MYO1B: variants seen among roughly 807,000 people sequenced by gnomAD.
The protein encoded by MYO1B is myosin IB.
In MYO1B, 72 loss-of-function variants were observed where a neutral mutation model predicts 159.7. The ratio of observed to expected loss-of-function variants is 0.45; its 90% CI spans 0.37 to 0.55. MYO1B has a LOEUF of 0.55. Among genes scored for constraint, MYO1B ranks in the 20% least tolerant of loss-of-function variants. MYO1B has a pLI of 0.00. For missense variants in MYO1B, 1,062 were observed against 1,364.8 expected, an observed-to-expected ratio of 0.78 and a Z score of 3.50; for synonymous variants, 468 against 473.8, an observed-to-expected ratio of 0.99 and a Z score of 0.16.
chr2:191,253,731 C>A lies in MYO1B; in HGVS notation c.-10+8105C>A, dbSNP rs184126534. Among the ~76,000 whole-genome samples the A allele has an allele frequency of 3.5e-3, 535 of 152,294 alleles. 3 individuals carry two copies. Among genetic ancestry groups the A allele is most frequent in the African/African-American group, 0.012 (511 of 41,556 alleles). On this transcript the variant is annotated intron_variant, in intron 1 of 30. Transcript: ENST00000392318. ...CATCACATTCTCCTCTGTTTCCCCC[C>A]ACAGGTTAGCTTGCACATATGTTCA...
At chr2:191,373,278 C>T (rs951157379) in intron 13 of MYO1B, among the ~76,000 whole-genome samples, 2 of 152,144 alleles carry the variant, frequency 1.3e-5, no homozygotes, top group African/African-American at 4.8e-5. Context: ...CTAGGCTGTA[C>T]CCAGAGCAAT....
chr2:191,388,983 A>G (rs1233343656), intron 17 of MYO1B, among the ~76,000 whole-genome samples: 1 of 152,034 alleles, frequency 6.6e-6, no homozygotes, highest in African/African-American at 2.4e-5. Context: ...ATAGTTTCAG[A>G]TTTCATATTT....
chr2:191,381,858 G>C (rs1440495438), intron 14 of MYO1B, among the ~76,000 whole-genome samples: 1 of 152,152 alleles, frequency 6.6e-6, no homozygotes, highest in African/African-American at 2.4e-5. Flanking sequence ...AAAACTTAGA[G>C]AACTGTATAC....
intron 30 of MYO1B, 48 bp from the exon 31 acceptor site, chr2:191,423,789 A>G (rs759053939): frequency 2.5e-6 from 4 of 1,574,496 alleles, no homozygotes; most frequent in African/African-American, 2.7e-5. Context: ...TATTGTAATC[A>G]TGAGCTGTTT....
At chr2:191,421,348 T>C (rs562934880) in intron 30 of MYO1B, among the ~76,000 whole-genome samples, 1 of 151,676 alleles carries the variant, frequency 6.6e-6, no homozygotes, top group East Asian at 2.0e-4. Context: ...GGGATTACTG[T>C]CATGATCCAC....
chr2:191,415,274 C>T (rs1006983610), intron 29 of MYO1B, among the ~76,000 whole-genome samples: 1 of 152,136 alleles, frequency 6.6e-6, no homozygotes, highest in African/African-American at 2.4e-5. Context: ...AGGAACAGGG[C>T]CTGTCACATA....
intron 3 of MYO1B, among the ~76,000 whole-genome samples, chr2:191,313,277 C>T (rs1690134592): frequency 7.2e-6 from 1 of 138,172 alleles, no homozygotes. Context: ...GTGGTGCGAC[C>T]TCAGCTCACT....
intron 1 of MYO1B, among the ~76,000 whole-genome samples, chr2:191,251,708 T>G (rs1209257713): frequency 6.6e-6 from 1 of 152,252 alleles, no homozygotes; most frequent in African/African-American, 2.4e-5. Context: ...CTTTAAAGAC[T>G]TTTTAGAAAA....
intron 7 of MYO1B, among the ~76,000 whole-genome samples, chr2:191,350,783 G>A (rs1692863216): frequency 6.7e-6 from 1 of 150,248 alleles, no homozygotes; most frequent in African/African-American, 2.4e-5. Flanking sequence ...GACTGTGGAA[G>A]TGAAATATTT....
chr2:191,365,007 A>G (rs992218371), intron 11 of MYO1B, among the ~76,000 whole-genome samples: 1 of 151,858 alleles, frequency 6.6e-6, no homozygotes, highest in Non-Finnish European at 1.5e-5. Flanking sequence ...TCTACCCTTG[A>G]TATTGGGGCC....
At chr2:191,259,591 T>A (rs1686672381) in intron 1 of MYO1B, among the ~76,000 whole-genome samples, 1 of 152,244 alleles carries the variant, frequency 6.6e-6, no homozygotes, top group Non-Finnish European at 1.5e-5. Context: ...CTTCTGCCAC[T>A]TTGCTGTTGT....
intron 7 of MYO1B, among the ~76,000 whole-genome samples, chr2:191,359,819 A>G (rs1199613593): frequency 6.6e-6 from 1 of 152,210 alleles, no homozygotes; most frequent in Non-Finnish European, 1.5e-5. Context: ...GCCTTTGCCC[A>G]CAGCCTTTTG....
chr2:191,400,265 T>G, intron 21 of MYO1B, 117 bp from the exon 22 acceptor site: 1 of 1,119,400 alleles, frequency 8.9e-7, no homozygotes, highest in South Asian at 1.3e-5. Context: ...TTTAACCTGT[T>G]GATTTATCAC....
intron 1 of MYO1B, among the ~76,000 whole-genome samples, chr2:191,260,750 T>C (rs1686762428): frequency 6.7e-6 from 1 of 149,452 alleles, no homozygotes; most frequent in East Asian, 1.9e-4. Context: ...TTTCTGTGTT[T>C]ATTCTTTCTA....
rs1174751332 is a variant in MYO1B, at chr2:191,363,867, A to G, written c.905A>G (p.Asp302Gly). 6.2e-7 allele frequency: 1 copy of G among 1,613,778 alleles called. No homozygotes were observed. Among genetic ancestry groups the G allele is most frequent in the Admixed American group, 1.7e-5 (1 of 59,952 alleles). Residue 302 changes from aspartate (D) to glycine (G), a missense_variant, in exon 10 of 31, where the codon GAT becomes GGT. Asp to Gly is a moderately conservative substitution (Grantham distance 94, BLOSUM62 -1). Around this residue, in one of 5 missense-constraint regions of MYO1B, gnomAD observed 415 missense variants for 544.0 expected, o/e 0.76. Coordinates refer to ENST00000392318, the MANE Select transcript of MYO1B (RefSeq NM_001130158.3). Reference sequence around the variant, plus strand: ...GGTCTAGATGAAAGCAAAATCAAAGATAAAAATGGTACATCCGTGGAGAAT... The same window carrying G: ...GGTCTAGATGAAAGCAAAATCAAAGGTAAAAATGGTACATCCGTGGAGAAT... ...VNGLDESKIK[D>G]KNELKEICEL... is the part of the protein sequence containing the mutation.
At chr2:191,381,035 C>A in intron 13 of MYO1B, 1 of 282,122 alleles carries the variant, frequency 3.5e-6, no homozygotes, top group Non-Finnish European at 6.9e-6. Flanking sequence ...GGGATCTGTC[C>A]CTGGATGGGG....
intron 24 of MYO1B, among the ~76,000 whole-genome samples, chr2:191,406,180 A>C (rs1219733812): frequency 6.6e-6 from 1 of 152,220 alleles, no homozygotes; most frequent in Non-Finnish European, 1.5e-5. Context: ...CCTTCTTGGA[A>C]CTGAAGAGAG....
chr2:191,335,993 CAT>C (rs1466722995), intron 4 of MYO1B, among the ~76,000 whole-genome samples: 1 of 152,002 alleles, frequency 6.6e-6, no homozygotes, highest in African/African-American at 2.4e-5. Context: ...TATTTTTAGG[CAT>C]TGAACTCACA....
At chr2:191,283,824 A>G (rs1475759190) in intron 2 of MYO1B, among the ~76,000 whole-genome samples, 2 of 152,248 alleles carry the variant, frequency 1.3e-5, no homozygotes, top group African/African-American at 4.8e-5. Flanking sequence ...ATAATTGGGT[A>G]TGATATTGAA....
Sources: gnomAD v4.1 joint callset for allele counts (sites outside exome capture counted in the v4.1 genomes callset) on GRCh38, gnomAD v4.1.1 for gene constraint, gnomAD v4.1.1 regional missense constraint, MANE v1.5 for transcripts, NCBI Gene and HGNC (gene_info 2026-07-23, HGNC 2026-07-21) for gene names.